TAF15: variants seen among roughly 807,000 people sequenced by gnomAD.
TAF15 encodes the protein TATA-binding protein-associated factor 2N.
In TAF15, 37 loss-of-function variants were observed where a neutral mutation model predicts 102.5. The ratio of observed to expected loss-of-function variants is 0.36; its 90% CI spans 0.28 to 0.47. The LOEUF (loss-of-function observed/expected upper bound fraction) is 0.47, where lower values mean the gene tolerates loss of function less well. Ranked by LOEUF, TAF15 falls within the 20% of genes least tolerant of loss-of-function variation. The pLI, the probability that TAF15 is intolerant of heterozygous loss-of-function variation, is 0.99. For synonymous variants in TAF15, 273 were observed against 259.2 expected (o/e 1.05, Z -0.51); for missense variants, 652 against 760.7 (o/e 0.86, Z 1.68).
chr17:35,814,513 C>T (rs542402618), intron 1 of TAF15, among the ~76,000 whole-genome samples: 9 of 151,094 alleles, frequency 6.0e-5, no homozygotes, highest in East Asian at 1.9e-4. Context: ...AAAGTTCAGA[C>T]GTAATGTTAA....
rs369980109 is a variant in TAF15 at position 35,823,641 on chromosome 17, C to G, written c.485-437C>G. The stretch of plus-strand genomic sequence containing the variant: ...AATGGCGTGAACCTGGGAGGCAGAG[C>G]TTGCAGTGAGCCGAGATTGCATCAG... On this transcript the variant is annotated intron_variant, in intron 6 of 15. Transcript: ENST00000605844. 15 of 192,538 alleles carry G rather than the reference C, an allele frequency of 7.8e-5. No homozygotes were observed. In the East Asian group the frequency reaches 1.3e-3, roughly 17 times the overall value. The allele number at this position is 192,538 out of a possible 1,614,324, so 11.9% of individuals were successfully genotyped here.
At chr17:35,838,683 G>A (rs941545510) in intron 11 of TAF15, 130 bp downstream of exon 11, 2 of 1,315,334 alleles carry the variant, frequency 1.5e-6, no homozygotes, top group South Asian at 1.2e-5. Context: ...ATACAGGTCA[G>A]AATTTTTATG....
chr17:35,835,952 T>C (rs1487310184), intron 9 of TAF15, among the ~76,000 whole-genome samples, 180 bp from the exon 10 acceptor site: 1 of 152,250 alleles, frequency 6.6e-6, no homozygotes, highest in African/African-American at 2.4e-5. Flanking sequence ...TAAGAATTGA[T>C]CAACCAAATA....
At chr17:35,827,718 G>A (rs890898787) in intron 7 of TAF15, among the ~76,000 whole-genome samples, 2 of 150,962 alleles carry the variant, frequency 1.3e-5, no homozygotes, top group Admixed American at 6.6e-5. Context: ...AAAAAAAAAA[G>A]AAGGGGCATA....
At chr17:35,819,609 A>C (rs1055177131) in intron 2 of TAF15, among the ~76,000 whole-genome samples, 3 of 152,188 alleles carry the variant, frequency 2.0e-5, no homozygotes, top group Non-Finnish European at 4.4e-5. Flanking sequence ...GAAAAAATTA[A>C]TCTGTCAAGA....
chr17:35,816,166 G>T (rs1166267019), intron 1 of TAF15, among the ~76,000 whole-genome samples: 1 of 152,084 alleles, frequency 6.6e-6, no homozygotes, highest in Non-Finnish European at 1.5e-5. Flanking sequence ...AATCTTGTTC[G>T]GTCTAATTGG....
chr17:35,836,072 C>T (rs762692061), intron 9 of TAF15, 60 bp from the exon 10 acceptor site: 22 of 1,168,644 alleles, frequency 1.9e-5, no homozygotes, highest in Admixed American at 1.4e-4. Flanking sequence ...TCTTTGATTA[C>T]TGAACAGAAT....
rs752519850 is a variant in TAF15, at chr17:35,809,552, G to A, written c.-18G>A. 14 of 1,613,164 alleles carry A rather than the reference G, an allele frequency of 8.7e-6. No homozygotes were observed. The highest frequency in any genetic ancestry group is 4.4e-5 in the South Asian group (4 of 91,064). ...GTTCTCGGCGGGCTGTGGGGCCTCC[G>A]CGCCGCGGCCGTTAGTCATGTCGGG... is the stretch of plus-strand genomic sequence containing the variant. On this transcript the variant is annotated 5_prime_UTR_variant, in exon 1 of 16. Transcript: ENST00000605844.
In TAF15 at chr17:35,836,282, G is replaced by A. The variant is rs765749836; in HGVS notation, c.783+41G>A. 5 of 1,368,580 alleles carry A rather than the reference G, an allele frequency of 3.7e-6. 1 individual carries two copies. Among genetic ancestry groups the A allele is most frequent in the Non-Finnish European group, 3.1e-6 (3 of 961,974 alleles). The allele number at this position is 1,368,580 out of a possible 1,614,324, so 84.8% of individuals were successfully genotyped here. A position where few individuals can be genotyped will look rare whatever the true frequency, so the allele number is the denominator to read the frequency against. On this transcript the variant is annotated intron_variant, in intron 10 of 15. Transcript: ENST00000605844. ...ATATGTTGAAAATCTCATAATTAAT[G>A]TTCTGATTACAATACATAGACTATG...
intron 8 of TAF15, chr17:35,834,300 C>T: frequency 2.2e-6 from 1 of 452,882 alleles, no homozygotes; most frequent in Non-Finnish European, 3.9e-6. Flanking sequence ...CCTTTACAAC[C>T]AGAGCTTAAC....
At chr17:35,833,711 G>A (rs2087435260) in intron 7 of TAF15, 196 bp from the exon 8 acceptor site, 4 of 594,608 alleles carry the variant, frequency 6.7e-6, no homozygotes, top group African/African-American at 1.9e-5. Flanking sequence ...AAGACATCTT[G>A]TGGAAATAGA....
At chr17:35,828,849 G>C (rs4251756) in intron 7 of TAF15, among the ~76,000 whole-genome samples, 400 of 145,042 alleles carry the variant, frequency 2.8e-3, no homozygotes, top group African/African-American at 0.01. Context: ...TTTGTATTTT[G>C]CATTTAGAGC....
intron 2 of TAF15, chr17:35,818,759 A>G (rs1176641090): frequency 6.6e-6 from 1 of 151,898 alleles, no homozygotes; most frequent in Non-Finnish European, 1.5e-5. Flanking sequence ...TGTTACAATG[A>G]GTTATGACCA....
chr17:35,841,757 G>T (rs949301425), intron 11 of TAF15, among the ~76,000 whole-genome samples: 2 of 151,002 alleles, frequency 1.3e-5, no homozygotes, highest in African/African-American at 4.9e-5. Context: ...GTACACAGTG[G>T]CACGAAGATA....
chr17:35,816,429 G>A (rs572206325), intron 1 of TAF15, among the ~76,000 whole-genome samples: 131 of 152,364 alleles, frequency 8.6e-4, no homozygotes, highest in Middle Eastern at 3.4e-3. Context: ...AAGTCTAGGA[G>A]TGAGCTGTGA....
rs755949830 is a variant in TAF15 at position 35,822,795 on chromosome 17, A to G, written c.446A>G (p.Tyr149Cys). 10 of 1,614,206 alleles carry G rather than the reference A, an allele frequency of 6.2e-6. No homozygotes were observed. Among genetic ancestry groups the G allele is most frequent in the East Asian group, 2.2e-5 (1 of 44,884 alleles). ...TCCTATAGTCAAAACCAGCAGTCCTATCATTCACAAAGGGAAAACTACAGC... is the reference window on the plus strand; with the variant it reads ...TCCTATAGTCAAAACCAGCAGTCCTGTCATTCACAAAGGGAAAACTACAGC... ...HDSYSQNQQS[Y>C]HSQRENYSHH... Residue 149 changes from tyrosine (Y) to cysteine (C), a missense_variant, in exon 6 of 16, where the codon TAT becomes TGT. Transcript: ENST00000605844.
At chr17:35,814,642 C>G (rs1464855291) in intron 1 of TAF15, among the ~76,000 whole-genome samples, 1 of 152,046 alleles carries the variant, frequency 6.6e-6, no homozygotes, top group African/African-American at 2.4e-5. Flanking sequence ...CACCTGAGGT[C>G]ATGAGTTTGA....
At position 35,842,822 on chromosome 17, in the gene TAF15, T is replaced by A. The variant is rs566060940; in HGVS notation, c.1006+363T>A. Among the ~76,000 whole-genome samples, 364 of 152,134 alleles carry A rather than the reference T, an allele frequency of 2.4e-3. 3 individuals are homozygous for A. Among genetic ancestry groups the A allele is most frequent in the African/African-American group, 8.1e-3 (336 of 41,490 alleles). ...ATCTCGGCTCACCACAACCTCCGCC[T>A]CCCGGGTTCAAGTGATTCTCCTGCC... On this transcript the variant is annotated intron_variant, in intron 12 of 15. Coordinates refer to ENST00000605844, the MANE Select transcript of TAF15 (RefSeq NM_139215.3).
chr17:35,842,423 T>C lies in TAF15; in HGVS notation c.970T>C (p.Phe324Leu). 1 of 1,614,120 alleles carries C rather than the reference T, an allele frequency of 6.2e-7. No homozygotes were observed. Among genetic ancestry groups the C allele is most frequent in the Non-Finnish European group, 8.5e-7 (1 of 1,179,994 alleles). Reference sequence around the variant, plus strand: ...GTCCTTTGCCACTAGAAGACCTGAATTCATGAGAGGAGGTGGAAGTGGAGG... The same window carrying C: ...GTCCTTTGCCACTAGAAGACCTGAACTCATGAGAGGAGGTGGAAGTGGAGG... ...KVSFATRRPEFMRGGGSGGGR... is the reference protein window; with the variant it reads ...KVSFATRRPELMRGGGSGGGR... The change falls in exon 12 of 16, where the codon TTC (phenylalanine) becomes CTC (leucine). Residue 324 changes from phenylalanine (F) to leucine (L), a missense_variant. Transcript: ENST00000605844.
Sources: gnomAD v4.1 joint callset for allele counts (sites outside exome capture counted in the v4.1 genomes callset) on GRCh38, gnomAD v4.1.1 for gene constraint, MANE v1.5 for transcripts, NCBI Gene and HGNC (gene_info 2026-07-23, HGNC 2026-07-21) for gene names.